Variants in EPB41L4A observed in about 807,000 individuals in gnomAD.
The protein encoded by EPB41L4A is band 4.1-like protein 4A.
Under a neutral mutation model 108.6 loss-of-function variants are expected in EPB41L4A, and 100 were observed. The ratio of observed to expected loss-of-function variants is 0.92; its 90% CI spans 0.78 to 1.09. The LOEUF (loss-of-function observed/expected upper bound fraction) is 1.09. Among genes scored for constraint, EPB41L4A ranks in the 50% least tolerant of loss-of-function variants. EPB41L4A has a pLI of 0.00. For synonymous variants in EPB41L4A, 319 were observed against 289.0 expected (o/e 1.10, Z -1.05); for missense variants, 1,030 against 842.7 (o/e 1.22, Z -2.75).
chr5:112,384,736 A>C (rs1371504335), intron 1 of EPB41L4A, among the ~76,000 whole-genome samples: 1 of 151,896 alleles, frequency 6.6e-6, no homozygotes, highest in Admixed American at 6.6e-5. Context: ...AGAGAAACAA[A>C]AAGAGAAAGA....
At chr5:112,167,134 A>AAC (rs1388750722) in intron 22 of EPB41L4A, among the ~76,000 whole-genome samples, 2 of 151,774 alleles carry the variant, frequency 1.3e-5, no homozygotes, top group African/African-American at 4.8e-5. Context: ...AAAAAAAAAA[A>AAC]AAAAAACACC....
intron 2 of EPB41L4A, among the ~76,000 whole-genome samples, chr5:112,301,341 T>A (rs1754347566): frequency 3.3e-5 from 5 of 152,170 alleles, no homozygotes; most frequent in Admixed American, 3.3e-4. Flanking sequence ...CCATGGGGTG[T>A]TCCCGTGATG....
intron 1 of EPB41L4A, among the ~76,000 whole-genome samples, chr5:112,376,921 T>A (rs1759857427): frequency 6.6e-6 from 1 of 152,126 alleles, no homozygotes; most frequent in Non-Finnish European, 1.5e-5. Context: ...GTGCAACACG[T>A]GGCTGGGTGC....
chr5:112,158,568 C>G (rs1296967907), downstream of EPB41L4A: 1 of 175,358 alleles, frequency 5.7e-6, no homozygotes, highest in Non-Finnish European at 1.2e-5. Flanking sequence ...TCAAGACATA[C>G]CCGAGACTGG....
chr5:112,209,795 A>C (rs916338718), intron 13 of EPB41L4A, 97 bp downstream of exon 13: 10 of 668,308 alleles, frequency 1.5e-5, no homozygotes, highest in South Asian at 8.3e-5. Context: ...AGTATTCATT[A>C]ATCATCAAAG....
chr5:112,236,324 A>G (rs1749327512), intron 11 of EPB41L4A, among the ~76,000 whole-genome samples: 2 of 152,214 alleles, frequency 1.3e-5, no homozygotes, highest in South Asian at 4.1e-4. Context: ...AGTATGGCAT[A>G]GGCTGATGGC....
chr5:112,390,614 G>A (rs895198662), intron 1 of EPB41L4A, among the ~76,000 whole-genome samples: 4 of 152,200 alleles, frequency 2.6e-5, no homozygotes, highest in Non-Finnish European at 4.4e-5. Context: ...CACCTCTGGG[G>A]GCACGGCATA....
At chr5:112,224,323 T>C (rs781522363) in intron 12 of EPB41L4A, among the ~76,000 whole-genome samples, 14 of 152,202 alleles carry the variant, frequency 9.2e-5, no homozygotes, top group Admixed American at 5.9e-4. Flanking sequence ...ATGGCAAAAC[T>C]ACATTTTATA....
intron 2 of EPB41L4A, among the ~76,000 whole-genome samples, chr5:112,280,647 A>T (rs1307229642): frequency 6.6e-6 from 1 of 152,222 alleles, no homozygotes; most frequent in Admixed American, 6.5e-5. Flanking sequence ...TAAATTAAAA[A>T]TAAAATACAA....
chr5:112,390,171 C>G (rs1038845774), intron 1 of EPB41L4A, among the ~76,000 whole-genome samples: 2 of 152,188 alleles, frequency 1.3e-5, no homozygotes, highest in Non-Finnish European at 2.9e-5. Context: ...ACTGAGGTAC[C>G]TGGTTCATCT....
rs145378078 is a variant in EPB41L4A, at chr5:112,204,486, C to T, written c.1265G>A (p.Gly422Glu). The stretch of plus-strand genomic sequence containing the variant: ...GCGATCACTGGGAGAATTGTAGAGT[C>T]CACTGGAGAGAAAGAAAAATGGTCA... ...APWEENGPQS[G>E]LYNSPSDRTK... is the part of the protein sequence containing the mutation. Residue 422 changes from glycine to glutamate, a missense_variant and splice_region_variant, in exon 15 of 23, where the codon GGA becomes GAA. Coordinates refer to ENST00000261486, the MANE Select transcript of EPB41L4A (RefSeq NM_022140.5). The T allele has an allele frequency of 7.5e-6, 12 of 1,606,926 alleles. No individual in the cohort carries two copies. Among genetic ancestry groups the T allele is most frequent in the Non-Finnish European group, 1.0e-5 (12 of 1,173,668 alleles).
intron 1 of EPB41L4A, among the ~76,000 whole-genome samples, chr5:112,387,192 A>G (rs1760604715): frequency 6.6e-6 from 1 of 152,234 alleles, no homozygotes; most frequent in Non-Finnish European, 1.5e-5. Flanking sequence ...AGCTTCAGCC[A>G]GGATGTAAGG....
chr5:112,338,409 C>T (rs964933163), intron 1 of EPB41L4A, among the ~76,000 whole-genome samples: 19 of 152,284 alleles, frequency 1.2e-4, no homozygotes, highest in African/African-American at 3.6e-4. Context: ...CCACCTGCTC[C>T]GGCTCTCTCC....
chr5:112,227,016 C>T (rs182089997), intron 12 of EPB41L4A, among the ~76,000 whole-genome samples: 30 of 149,762 alleles, frequency 2.0e-4, no homozygotes, highest in Non-Finnish European at 3.5e-4. Flanking sequence ...AAATGCTACT[C>T]TGAAGAGTAG....
At chr5:112,186,197 G>T (rs1346645850) in intron 17 of EPB41L4A, among the ~76,000 whole-genome samples, 1 of 152,196 alleles carries the variant, frequency 6.6e-6, no homozygotes, top group Non-Finnish European at 1.5e-5. Context: ...TGAAATGTTT[G>T]TGTCAGGAAG....
chr5:112,208,147 G>A (rs1168855848), intron 13 of EPB41L4A, among the ~76,000 whole-genome samples: 1 of 150,596 alleles, frequency 6.6e-6, no homozygotes, highest in Non-Finnish European at 1.5e-5. Flanking sequence ...TTGGGAGGCT[G>A]AGGCAGGAGA....
intron 9 of EPB41L4A, 115 bp downstream of exon 9, chr5:112,259,114 C>T: frequency 1.3e-6 from 1 of 795,866 alleles, no homozygotes; most frequent in Non-Finnish European, 2.1e-6. Flanking sequence ...AGTTAATTAA[C>T]CTGGTTCCAT....
At chr5:112,306,003 C>G (rs1387615522) in intron 2 of EPB41L4A, among the ~76,000 whole-genome samples, 1 of 152,054 alleles carries the variant, frequency 6.6e-6, no homozygotes, top group Non-Finnish European at 1.5e-5. Flanking sequence ...TTTTGAAATT[C>G]TCTAGCTTTT....
At chr5:112,393,678 C>T (rs1761115381) in intron 1 of EPB41L4A, among the ~76,000 whole-genome samples, 4 of 152,166 alleles carry the variant, frequency 2.6e-5, no homozygotes, top group Admixed American at 2.6e-4. Flanking sequence ...GGAGCTGGTA[C>T]CATTCCTTCT....
Sources: allele counts gnomAD v4.1 joint callset (sites outside exome capture counted in the v4.1 genomes callset), GRCh38; gene constraint gnomAD v4.1.1; transcripts MANE v1.5; gene names NCBI Gene and HGNC (gene_info 2026-07-23, HGNC 2026-07-21).